FAM91A1: variants seen among roughly 807,000 people sequenced by gnomAD.
The protein encoded by FAM91A1 is family with sequence similarity 91 member A1.
In FAM91A1, 41 loss-of-function variants were observed where a neutral mutation model predicts 113.5. The ratio of observed to expected loss-of-function variants is 0.36; its 90% CI spans 0.28 to 0.47. The LOEUF (loss-of-function observed/expected upper bound fraction) is 0.47, where lower values mean the gene tolerates loss of function less well. FAM91A1 is among the 20% of genes least tolerant of loss of function. The pLI is 1.00. For synonymous variants in FAM91A1, 307 were observed against 347.9 expected (o/e 0.88, Z 1.31); for missense variants, 696 against 1,001.2 (o/e 0.70, Z 4.11).
intron 1 of FAM91A1, 78 bp downstream of exon 1, chr8:123,768,852 C>A: frequency 7.0e-7 from 1 of 1,435,948 alleles, no homozygotes; most frequent in Non-Finnish European, 9.6e-7. Context: ...GCTCGCGGGG[C>A]CCGAGCGGGC....
Position 123,799,632 on chromosome 8 carries a change from G to A in FAM91A1, c.1673G>A (p.Arg558Gln), listed in dbSNP as rs767936243. The part of the protein sequence containing the change: ...SLLLSKGTRL[R>Q]KLPDIFQSYD... ...TTATTGTCCAAAGGTACAAGACTTC[G>A]AAAACTGCCAGATATATTTCAGGTA... Residue 558 changes from arginine (R) to glutamine (Q), a missense_variant, in exon 17 of 24, where the codon CGA becomes CAA. Arg to Gln is a conservative substitution (Grantham distance 43). Coordinates refer to ENST00000334705, the MANE Select transcript of FAM91A1 (RefSeq NM_144963.4). 29 of 1,613,988 alleles carry A rather than the reference G, an allele frequency of 1.8e-5. No individual in the cohort carries two copies. Among genetic ancestry groups the A allele is most frequent in the Admixed American group, 5.0e-5 (3 of 60,002 alleles).
intron 15 of FAM91A1, among the ~76,000 whole-genome samples, chr8:123,795,257 G>A (rs915516922): frequency 6.6e-6 from 1 of 152,164 alleles, no homozygotes; most frequent in Non-Finnish European, 1.5e-5. Context: ...GTTCCCAGAT[G>A]CTAATATGTT....
rs1815199483 is a variant in FAM91A1 at position 123,784,388 on chromosome 8, T to G, written c.704-82T>G. ...TTCAGTCCCTAAGTTAGAGGTTTCT[T>G]TTTTTAATTAGATATGTAAATTATA... On this transcript the variant is annotated intron_variant, in intron 8 of 23. Transcript: ENST00000334705. 2.9e-6 allele frequency: 3 copies of G among 1,051,706 alleles called. No homozygotes were observed. In the South Asian group the frequency reaches 4.8e-5, roughly 17 times the overall value. 65.1% of individuals were successfully genotyped at this position (1,051,706 alleles called of 1,614,324 possible).
At position 123,812,776 on chromosome 8, in the gene FAM91A1, C is replaced by T. The variant is rs1327915596; in HGVS notation, c.*72C>T. ...TTAACGTTAGCTTTATAGTGTCAGC[C>T]ACTAAAAAGCATCCTGCTGCTGCAG... On this transcript the variant is annotated 3_prime_UTR_variant, in exon 24 of 24. Coordinates refer to ENST00000334705, the MANE Select transcript of FAM91A1 (RefSeq NM_144963.4). The T allele has an allele frequency of 3.3e-6, 4 of 1,220,556 alleles. No individual in the cohort carries two copies. Among genetic ancestry groups the T allele is most frequent in the African/African-American group, 3.1e-5 (2 of 63,890 alleles). The allele number at this position is 1,220,556 out of a possible 1,614,324, so 75.6% of individuals were successfully genotyped here.
At chr8:123,781,801 C>G (rs1815131397) in intron 8 of FAM91A1, among the ~76,000 whole-genome samples, 1 of 152,052 alleles carries the variant, frequency 6.6e-6, no homozygotes, top group South Asian at 2.1e-4. Flanking sequence ...CTATTTTAAG[C>G]TTGGAAAGAT....
chr8:123,808,835 A>AT, intron 21 of FAM91A1, 58 bp from the exon 22 acceptor site: 2 of 1,429,744 alleles, frequency 1.4e-6, no homozygotes, highest in Non-Finnish European at 1.9e-6. Context: ...AGTTATATAT[A>AT]ATATATACAT....
At chr8:123,789,530 C>G in intron 14 of FAM91A1, 83 bp from the exon 15 acceptor site, 1 of 1,577,480 alleles carries the variant, frequency 6.3e-7, no homozygotes, top group Non-Finnish European at 8.6e-7. Context: ...TGAATAATGT[C>G]TTATATCTCT....
intron 20 of FAM91A1, among the ~76,000 whole-genome samples, chr8:123,807,736 A>ACT (rs1815847473): frequency 6.6e-6 from 1 of 152,294 alleles, no homozygotes; most frequent in Admixed American, 6.5e-5. Flanking sequence ...GGGAATTAGA[A>ACT]AACAGTAGTT....
chr8:123,801,625 G>A (rs1419022539), intron 18 of FAM91A1, among the ~76,000 whole-genome samples: 1 of 152,170 alleles, frequency 6.6e-6, no homozygotes, highest in African/African-American at 2.4e-5. Context: ...TCAGTTTATC[G>A]AATAGAATTA....
chr8:123,801,559 C>T (rs866980236), intron 18 of FAM91A1, among the ~76,000 whole-genome samples: 6 of 152,200 alleles, frequency 3.9e-5, no homozygotes, highest in Non-Finnish European at 8.8e-5. Context: ...TAAGACAGGG[C>T]CCCTCATCTT....
intron 15 of FAM91A1, among the ~76,000 whole-genome samples, chr8:123,794,046 A>G (rs1302888069): frequency 6.6e-6 from 1 of 152,194 alleles, no homozygotes; most frequent in Non-Finnish European, 1.5e-5. Flanking sequence ...TAAAATGAGG[A>G]CTTGGCTATG....
At chr8:123,772,617 C>G (rs1053346926) in intron 1 of FAM91A1, among the ~76,000 whole-genome samples, 2 of 152,126 alleles carry the variant, frequency 1.3e-5, no homozygotes, top group Non-Finnish European at 2.9e-5. Flanking sequence ...AGAAAGCTCA[C>G]CCTTGAACAA....
At chr8:123,783,623 A>T (rs1445825385) in intron 8 of FAM91A1, among the ~76,000 whole-genome samples, 2 of 152,204 alleles carry the variant, frequency 1.3e-5, no homozygotes, top group African/African-American at 4.8e-5. Context: ...GGGCCAGGGG[A>T]CATAAAGATA....
intron 1 of FAM91A1, 94 bp downstream of exon 1, chr8:123,768,868 C>A: frequency 8.0e-7 from 1 of 1,247,280 alleles, no homozygotes; most frequent in Non-Finnish European, 1.1e-6. Flanking sequence ...CGGGCTGCTG[C>A]CGGCTGACTC....
intron 18 of FAM91A1, among the ~76,000 whole-genome samples, chr8:123,800,721 G>C (rs1815652114): frequency 6.6e-6 from 1 of 152,030 alleles, no homozygotes; most frequent in African/African-American, 2.4e-5. Flanking sequence ...TAATCTACTT[G>C]TTGTCTCTAT....
intron 15 of FAM91A1, 34 bp downstream of exon 15, chr8:123,789,779 T>A (rs1472570047): frequency 6.3e-7 from 1 of 1,596,624 alleles, no homozygotes; most frequent in Admixed American, 1.7e-5. Flanking sequence ...GAAGACATGA[T>A]CATATGAAAC....
Position 123,785,630 on chromosome 8 carries a change from A to G in FAM91A1, c.851A>G (p.Asn284Ser). Residue 284 changes from asparagine to serine, a missense_variant and splice_region_variant, in exon 11 of 24, where the codon AAT (asparagine) becomes AGT (serine). Asn to Ser is a conservative substitution (Grantham distance 46). Coordinates refer to ENST00000334705, the MANE Select transcript of FAM91A1 (RefSeq NM_144963.4). ...TAGTTTCCTTTATATTCCTTTCAGA[A>G]TGCTGTTTCAATGTATTGCCGATTG... ...VLEIDLSLVK[N>S]AVSMYCRLGF... The G allele has an allele frequency of 6.3e-7, 1 of 1,592,212 alleles. No individual in the cohort carries two copies. The highest frequency in any genetic ancestry group is 8.6e-7 in the Non-Finnish European group (1 of 1,168,668).
chr8:123,779,932 G>A, intron 6 of FAM91A1, 53 bp from the exon 7 acceptor site: 1 of 1,464,036 alleles, frequency 6.8e-7, no homozygotes, highest in Non-Finnish European at 9.5e-7. Flanking sequence ...CAGGAGACTT[G>A]TGAATTAGTT....
At chr8:123,782,187 A>G (rs947945608) in intron 8 of FAM91A1, among the ~76,000 whole-genome samples, 1 of 152,226 alleles carries the variant, frequency 6.6e-6, no homozygotes, top group African/African-American at 2.4e-5. Context: ...GCCCCATTAC[A>G]TTGATGTGTT....
Sources: gnomAD v4.1 joint callset for allele counts (sites outside exome capture counted in the v4.1 genomes callset) on GRCh38, gnomAD v4.1.1 for gene constraint, MANE v1.5 for transcripts, NCBI Gene and HGNC (gene_info 2026-07-23, HGNC 2026-07-21) for gene names.